The following ITGBL1 variants were observed in gnomAD, a reference collection of about 807,000 sequenced individuals.
ITGBL1 encodes the protein integrin subunit beta like 1, also known as integrin beta-like protein 1.
ITGBL1 carries 51 observed loss-of-function variants against 68.5 expected under a neutral mutation model. The ratio of observed to expected loss-of-function variants is 0.74; its 90% CI spans 0.59 to 0.94. The LOEUF (loss-of-function observed/expected upper bound fraction) is 0.94, where lower values mean the gene tolerates loss of function less well. Ranked by LOEUF, ITGBL1 falls within the 40% of genes least tolerant of loss-of-function variation. The pLI is 0.00. For synonymous variants in ITGBL1, 209 were observed against 227.3 expected (o/e 0.92, Z 0.72); for missense variants, 649 against 647.4 (o/e 1.00, Z -0.03).
chr13:101,457,413 A>T (rs1856664455), intron 2 of ITGBL1, among the ~76,000 whole-genome samples: 1 of 152,202 alleles, frequency 6.6e-6, no homozygotes, highest in Non-Finnish European at 1.5e-5. Context: ...AGTTAAGTCC[A>T]TTGGGATTAT....
chr13:101,529,812 G>A (rs899355070), intron 2 of ITGBL1, among the ~76,000 whole-genome samples: 32 of 152,144 alleles, frequency 2.1e-4, no homozygotes, highest in African/African-American at 6.5e-4. Context: ...TAAGTTTCCT[G>A]AAGTCCCTGC....
At chr13:101,564,675 G>A (rs949704510) in intron 2 of ITGBL1, among the ~76,000 whole-genome samples, 2 of 148,578 alleles carry the variant, frequency 1.3e-5, no homozygotes, top group Non-Finnish European at 3.0e-5. Context: ...TTGTATCCAG[G>A]ATAAACATAC....
chr13:101,659,944 C>T (rs1447211384), intron 7 of ITGBL1, among the ~76,000 whole-genome samples: 4 of 152,134 alleles, frequency 2.6e-5, no homozygotes, highest in Non-Finnish European at 5.9e-5. Context: ...CCCTCATTCA[C>T]TTCTGGGTTC....
At chr13:101,624,780 A>C (rs2031712818) in intron 7 of ITGBL1, among the ~76,000 whole-genome samples, 1 of 152,140 alleles carries the variant, frequency 6.6e-6, no homozygotes, top group East Asian at 1.9e-4. Context: ...GTGAAGGAGA[A>C]CCTCCCCATC....
chr13:101,653,963 G>A (rs1195848609), intron 7 of ITGBL1, among the ~76,000 whole-genome samples: 3 of 149,006 alleles, frequency 2.0e-5, no homozygotes, highest in East Asian at 2.0e-4. Context: ...GCCCACCTCC[G>A]CCTCCTAAAG....
chr13:101,462,601 G>T (rs1395293801), intron 2 of ITGBL1, among the ~76,000 whole-genome samples: 1 of 151,662 alleles, frequency 6.6e-6, no homozygotes, highest in Non-Finnish European at 1.5e-5. Context: ...TATTTTTTTT[G>T]AGTTGGATTC....
At chr13:101,582,681 C>CT (rs952292991) in intron 5 of ITGBL1, among the ~76,000 whole-genome samples, 5 of 152,252 alleles carry the variant, frequency 3.3e-5, no homozygotes, top group African/African-American at 1.2e-4. Flanking sequence ...TTTGCTCAGT[C>CT]TTTTTTTCTT....
intron 7 of ITGBL1, among the ~76,000 whole-genome samples, chr13:101,623,340 C>T (rs779969259): frequency 5.9e-5 from 9 of 152,114 alleles, no homozygotes; most frequent in Admixed American, 2.6e-4. Context: ...AAACTATCTA[C>T]ACTTTTCTCT....
chr13:101,607,780 T>C (rs11838599), intron 7 of ITGBL1, among the ~76,000 whole-genome samples: 1,692 of 152,184 alleles, frequency 0.011, 37 homozygotes, highest in African/African-American at 0.039. Context: ...ATATTGCTGT[T>C]GGTGTTACAA....
chr13:101,542,438 CG>C (rs1566723741), intron 2 of ITGBL1, among the ~76,000 whole-genome samples: 2 of 152,030 alleles, frequency 1.3e-5, no homozygotes, highest in Non-Finnish European at 2.9e-5. Context: ...TTGTAATTTC[CG>C]TTCTTTTACA....
intron 7 of ITGBL1, among the ~76,000 whole-genome samples, chr13:101,669,963 G>A (rs2033318045): frequency 6.6e-6 from 1 of 152,046 alleles, no homozygotes; most frequent in South Asian, 2.1e-4. Flanking sequence ...TTAAAGTTGT[G>A]ACTCTCTCCA....
At chr13:101,566,223 AAT>A (rs1200439659) in intron 2 of ITGBL1, among the ~76,000 whole-genome samples, 2 of 152,140 alleles carry the variant, frequency 1.3e-5, no homozygotes, top group Non-Finnish European at 2.9e-5. Flanking sequence ...CAAATACATT[AAT>A]GTTATTAAAG....
intron 2 of ITGBL1, among the ~76,000 whole-genome samples, chr13:101,556,466 G>A (rs1229250312): frequency 2.0e-5 from 3 of 152,008 alleles, no homozygotes; most frequent in African/African-American, 7.2e-5. Context: ...GAGAAACCCT[G>A]TCACTACTAA....
intron 2 of ITGBL1, among the ~76,000 whole-genome samples, chr13:101,523,726 A>G (rs1032657590): frequency 2.9e-5 from 2 of 68,806 alleles, no homozygotes; most frequent in Non-Finnish European, 6.1e-5. Context: ...ACACAAGCCA[A>G]TTCTTGGAGG....
intron 2 of ITGBL1, among the ~76,000 whole-genome samples, chr13:101,547,015 C>T (rs2049837162): frequency 6.6e-6 from 1 of 151,380 alleles, no homozygotes; most frequent in Non-Finnish European, 1.5e-5. Context: ...AAAATAAAAT[C>T]CTATTGATTA....
intron 2 of ITGBL1, among the ~76,000 whole-genome samples, chr13:101,525,127 T>C (rs181445237): frequency 6.6e-6 from 1 of 152,302 alleles, no homozygotes; most frequent in African/African-American, 2.4e-5. Flanking sequence ...AAGTTTTGGA[T>C]ATTACAAAGT....
At chr13:101,551,321 AT>A (rs1324273347) in intron 2 of ITGBL1, among the ~76,000 whole-genome samples, 1 of 152,196 alleles carries the variant, frequency 6.6e-6, no homozygotes, top group East Asian at 1.9e-4. Context: ...TACTGATTAT[AT>A]TTTGTAAAGA....
At chr13:101,582,960 T>G (rs976220188) in intron 5 of ITGBL1, among the ~76,000 whole-genome samples, 1 of 152,224 alleles carries the variant, frequency 6.6e-6, no homozygotes, top group African/African-American at 2.4e-5. Flanking sequence ...TAGTGTTATC[T>G]TTGAAGGAAA....
chr13:101,569,583 T>G (rs1200619131), intron 3 of ITGBL1, among the ~76,000 whole-genome samples: 1 of 152,180 alleles, frequency 6.6e-6, no homozygotes, highest in Non-Finnish European at 1.5e-5. Flanking sequence ...ATGTTATGTT[T>G]ATATCTCTCT....
Sources: gnomAD v4.1 joint callset for allele counts (sites outside exome capture counted in the v4.1 genomes callset) on GRCh38, gnomAD v4.1.1 for gene constraint, MANE v1.5 for transcripts, NCBI Gene and HGNC (gene_info 2026-07-23, HGNC 2026-07-21) for gene names.